Variants in LRPPRC observed in about 807,000 individuals in gnomAD.
LRPPRC encodes leucine-rich PPR motif-containing protein, mitochondrial.
In LRPPRC, 120 loss-of-function variants were observed where a neutral mutation model predicts 180.3. The ratio of observed to expected loss-of-function variants is 0.67; its 90% confidence interval spans 0.57 to 0.77. The LOEUF (loss-of-function observed/expected upper bound fraction) is 0.77. Among genes scored for constraint, LRPPRC ranks in the 30% least tolerant of loss-of-function variants. The pLI is 0.00. For synonymous variants in LRPPRC, 723 were observed against 600.0 expected (o/e 1.21, Z -3.00); for missense variants, 2,012 against 1,657.2 (o/e 1.21, Z -3.72).
Position 43,974,725 on chromosome 2 carries a change from G to C in LRPPRC, c.898C>G (p.Leu300Val). 6.2e-7 allele frequency: 1 copy of C among 1,613,434 alleles called. No individual in the cohort carries two copies. The highest frequency in any genetic ancestry group is 1.3e-5 in the African/African-American group (1 of 74,944). ...LEKVEKSELH[L>V]MDRDLLQIIF... is the part of the protein sequence containing the mutation. ...ATTTGCAGTAAATCACGGTCCATAA[G>C]GTGAAGCTCGGACTTCTCCACCTTC... Residue 300 changes from leucine (L) to valine (V), a missense_variant, in exon 8 of 38, where the codon CTT becomes GTT. Leu to Val is a conservative substitution (Grantham distance 32, BLOSUM62 1). Coordinates refer to ENST00000260665, the MANE Select transcript of LRPPRC (RefSeq NM_133259.4).
chr2:43,986,211 A>C (rs1674520584), intron 1 of LRPPRC, among the ~76,000 whole-genome samples: 1 of 152,084 alleles, frequency 6.6e-6, no homozygotes, highest in South Asian at 2.1e-4. Flanking sequence ...GGTCACTGCA[A>C]CCTCTGCCTC....
chr2:43,896,861 A>G (rs1291675134), intron 34 of LRPPRC, among the ~76,000 whole-genome samples, 153 bp from the exon 35 acceptor site: 1 of 152,224 alleles, frequency 6.6e-6, no homozygotes, highest in Non-Finnish European at 1.5e-5. Context: ...TTAAGGCAAG[A>G]AAAAAGAAAA....
chr2:43,983,104 T>C (rs1674383666), intron 1 of LRPPRC, among the ~76,000 whole-genome samples: 1 of 152,186 alleles, frequency 6.6e-6, no homozygotes, highest in East Asian at 1.9e-4. Flanking sequence ...ATAAATAAAG[T>C]GTTAAACATC....
intron 11 of LRPPRC, among the ~76,000 whole-genome samples, chr2:43,967,617 C>A (rs1039003148): frequency 6.6e-6 from 1 of 152,080 alleles, no homozygotes; most frequent in East Asian, 1.9e-4. Flanking sequence ...TTGCTTGAAC[C>A]CAGGAGGCAA....
chr2:43,951,002 G>A (rs1278917864), intron 14 of LRPPRC, among the ~76,000 whole-genome samples: 5 of 152,158 alleles, frequency 3.3e-5, no homozygotes, highest in South Asian at 2.1e-4. Context: ...CCCGGGAAGC[G>A]GAGGTTGCAG....
In LRPPRC at chr2:43,943,746, TAG is replaced by T; in HGVS notation, c.2443_2444del (p.Leu815ArgfsTer28). On this transcript the variant is annotated frameshift_variant, in exon 23 of 38. Transcript: ENST00000260665. LOFTEE classifies it high-confidence loss of function. ...TGTTGGTGGATGGTTCTGCTAACCC[TAG>T]AGTCACGATGGCTTCATGCAACTGT... ...VKQLHEAIVT[L>X]GLAEPSTNIS... is the part of the protein sequence containing the mutation. 1 of 1,613,578 alleles carries T rather than the reference TAG, an allele frequency of 6.2e-7. No homozygotes were observed. Among genetic ancestry groups the T allele is most frequent in the Admixed American group, 1.7e-5 (1 of 60,010 alleles).
Position 43,976,153 on chromosome 2 carries a change from C to A in LRPPRC, c.727G>T (p.Ala243Ser). Reference protein sequence around the residue: ...AVFSALVTGHARAGDMENAEN... With the variant: ...AVFSALVTGHSRAGDMENAEN... Reference sequence around the variant, plus strand: ...TAGGTTGAACATTACCCAGCTCTGGCATGCCCTGTCACAAGGGCACTGAAT... The same window carrying A: ...TAGGTTGAACATTACCCAGCTCTGGAATGCCCTGTCACAAGGGCACTGAAT... Residue 243 changes from alanine (A) to serine (S), a missense_variant, in exon 6 of 38, where the codon GCC becomes TCC. Ala to Ser is a moderately conservative substitution (Grantham distance 99, BLOSUM62 1). Transcript: ENST00000260665. The A allele has an allele frequency of 6.2e-7, 1 of 1,601,486 alleles. No individual in the cohort carries two copies.
At chr2:43,994,219 T>C (rs1305395228) in intron 1 of LRPPRC, among the ~76,000 whole-genome samples, 1 of 152,212 alleles carries the variant, frequency 6.6e-6, no homozygotes, top group Non-Finnish European at 1.5e-5. Flanking sequence ...TTCGGAAAGT[T>C]AACTGTTCAA....
chr2:43,977,035 C>T lies in LRPPRC; in HGVS notation c.609G>A (p.Leu203=). ...IQPNRVTYQR[L]IASYCNVGDI... is the part of the protein sequence containing the mutation. ...CTCCTACATTACAATAAGAAGCAAT[C>T]AATCTCTGGTATGTCACCTGTCAAT... is the stretch of plus-strand genomic sequence containing the variant. The change falls in exon 5 of 38, where the codon TTG becomes TTA. Residue 203 remains leucine, a synonymous_variant. Coordinates refer to ENST00000260665, the MANE Select transcript of LRPPRC (RefSeq NM_133259.4). 3 of 1,613,398 alleles carry T rather than the reference C, an allele frequency of 1.9e-6. No homozygotes were observed. Among genetic ancestry groups the T allele is most frequent in the Non-Finnish European group, 2.5e-6 (3 of 1,179,562 alleles).
chr2:43,935,642 T>C (rs1672248741), intron 23 of LRPPRC, among the ~76,000 whole-genome samples: 1 of 147,590 alleles, frequency 6.8e-6, no homozygotes. Context: ...TACTATATTC[T>C]TGTGGGTCCT....
chr2:43,952,975 A>G (rs1232465699), intron 14 of LRPPRC, among the ~76,000 whole-genome samples: 3 of 152,144 alleles, frequency 2.0e-5, no homozygotes, highest in Non-Finnish European at 1.5e-5. Context: ...ACTCATAAAG[A>G]CCCCTGGGCT....
chr2:43,973,172 TCTAA>T, intron 11 of LRPPRC, among the ~76,000 whole-genome samples: 1 of 152,170 alleles, frequency 6.6e-6, no homozygotes. Flanking sequence ...TTCCTATTAT[TCTAA>T]CTAAGCTCAG....
At chr2:43,913,709 T>A (rs1338471832) in intron 29 of LRPPRC, among the ~76,000 whole-genome samples, 1 of 152,222 alleles carries the variant, frequency 6.6e-6, no homozygotes, top group Non-Finnish European at 1.5e-5. Context: ...ACATTTCAAG[T>A]CAGTCTTCCA....
intron 37 of LRPPRC, among the ~76,000 whole-genome samples, 181 bp from the exon 38 acceptor site, chr2:43,888,837 G>A (rs1441375150): frequency 6.6e-6 from 1 of 152,090 alleles, no homozygotes; most frequent in Non-Finnish European, 1.5e-5. Context: ...AAGGGCCTCG[G>A]GTTCAGAGTT....
At chr2:43,934,155 G>A in intron 25 of LRPPRC, 35 bp downstream of exon 25, 1 of 1,160,022 alleles carries the variant, frequency 8.6e-7, no homozygotes, top group Non-Finnish European at 1.3e-6. Context: ...AGTCTAAATA[G>A]CTCTACAATT....
intron 31 of LRPPRC, chr2:43,904,717 A>C (rs942051004): frequency 4.7e-5 from 7 of 149,724 alleles, no homozygotes; most frequent in Non-Finnish European, 1.5e-5. Flanking sequence ...CAAAAAAAAA[A>C]AACAAAACAA....
chr2:43,923,807 G>C (rs1671782135), intron 27 of LRPPRC, among the ~76,000 whole-genome samples: 1 of 151,210 alleles, frequency 6.6e-6, no homozygotes, highest in Non-Finnish European at 1.5e-5. Context: ...TTTTGAACTT[G>C]GCACATTAGA....
chr2:43,975,244 A>G, intron 6 of LRPPRC, 27 bp from the exon 7 acceptor site: 1 of 1,605,316 alleles, frequency 6.2e-7, no homozygotes, highest in Non-Finnish European at 8.5e-7. Context: ...AAAACAGATT[A>G]TTATGCTTTT....
intron 11 of LRPPRC, among the ~76,000 whole-genome samples, chr2:43,968,009 C>G (rs1474381901): frequency 6.6e-6 from 1 of 151,928 alleles, no homozygotes; most frequent in Non-Finnish European, 1.5e-5. Context: ...CCTCAGTGTC[C>G]TTTCTGACCA....
Sources: gnomAD v4.1 joint callset for allele counts (sites outside exome capture counted in the v4.1 genomes callset) on GRCh38, gnomAD v4.1.1 for gene constraint, MANE v1.5 for transcripts, NCBI Gene and HGNC (gene_info 2026-07-23, HGNC 2026-07-21) for gene names.